Variants in KDM4B observed in about 807,000 individuals in gnomAD.
KDM4B encodes lysine-specific demethylase 4B.
Under a neutral mutation model 125.2 loss-of-function variants are expected in KDM4B, and 32 were observed. The ratio of observed to expected loss-of-function variants is 0.26; its 90% CI spans 0.19 to 0.34. The LOEUF is 0.34. Ranked by LOEUF, KDM4B falls within the 10% of genes least tolerant of loss-of-function variation. The pLI is 1.00. For synonymous variants in KDM4B, 721 were observed against 677.9 expected (o/e 1.06, Z -0.99); for missense variants, 1,190 against 1,577.7 (o/e 0.75, Z 4.16).
At chr19:5,061,297 G>A (rs1325094383) in intron 6 of KDM4B, among the ~76,000 whole-genome samples, 1 of 152,210 alleles carries the variant, frequency 6.6e-6, no homozygotes. Flanking sequence ...CTGGTCTCCT[G>A]TGTGTCTCAA....
At position 5,152,710 on chromosome 19, in the gene KDM4B, C is replaced by T. The variant is rs995542178; in HGVS notation, c.*1199C>T. Reference sequence around the variant, plus strand: ...CAGCCCAGGCTGGGAAGCGCCTTCTCCAGGTGCCTCTCCCTCACCAGCTCT... The same window carrying T: ...CAGCCCAGGCTGGGAAGCGCCTTCTTCAGGTGCCTCTCCCTCACCAGCTCT... On this transcript the variant is annotated 3_prime_UTR_variant, in exon 23 of 23. Transcript: ENST00000159111. 1 of 152,338 alleles carries T rather than the reference C, an allele frequency of 6.6e-6. No individual in the cohort carries two copies. The highest frequency in any genetic ancestry group is 1.5e-5 in the Non-Finnish European group (1 of 68,108). The allele number at this position is 152,338 out of a possible 1,614,324, so 9.4% of individuals were successfully genotyped here.
In KDM4B at chr19:5,040,017, C is replaced by T. The variant is rs202020232; in HGVS notation, c.317+6C>T. On this transcript the variant is annotated splice_donor_region_variant and intron_variant, in intron 4 of 22. Coordinates refer to ENST00000159111, the MANE Select transcript of KDM4B (RefSeq NM_015015.3). ...CGCCTGGCCAACAGCGAGAAGTACG[C>T]GGGGCGGGCAGGGCGGACCTGACCC... 706 of 1,607,882 alleles carry T rather than the reference C, an allele frequency of 4.4e-4. 3 individuals are homozygous for T. Among genetic ancestry groups the T allele is most frequent in the Admixed American group, 8.4e-5 (5 of 59,816 alleles).
At chr19:5,040,631 G>A (rs1043424014) in intron 4 of KDM4B, among the ~76,000 whole-genome samples, 1 of 152,086 alleles carries the variant, frequency 6.6e-6, no homozygotes. Flanking sequence ...CAGCCACGTA[G>A]CCTCCGTGCT....
chr19:4,996,837 G>A (rs973531407), intron 1 of KDM4B, among the ~76,000 whole-genome samples: 5 of 152,014 alleles, frequency 3.3e-5, no homozygotes, highest in African/African-American at 9.7e-5. Context: ...TCTCAAATTC[G>A]GCACTCTTGC....
rs532045913 is a variant in KDM4B at position 5,035,647 on chromosome 19, G to A, written c.141+2616G>A. On this transcript the variant is annotated intron_variant, in intron 3 of 22. Transcript: ENST00000159111. The surrounding 1 kb of genome is among the most constrained non-coding windows in gnomAD (Gnocchi z 5.3). ...GCACTCCCCCCAGGCCAGTTCCCCC[G>A]AGATTCTTGGCACCGGCGTCTTAAG... is the stretch of plus-strand genomic sequence containing the variant. Among the ~76,000 whole-genome samples the A allele has an allele frequency of 1.3e-5, 2 of 152,156 alleles. No homozygotes were observed. The highest frequency in any genetic ancestry group is 2.1e-4 in the South Asian group (1 of 4,812).
intron 11 of KDM4B, among the ~76,000 whole-genome samples, chr19:5,123,766 A>ATAAG (rs1365796992): frequency 2.0e-5 from 3 of 152,174 alleles, no homozygotes; most frequent in Non-Finnish European, 2.9e-5. Context: ...CTGGTAGAGG[A>ATAAG]TAAGTTCCTG....
intron 1 of KDM4B, among the ~76,000 whole-genome samples, chr19:4,984,561 C>T (rs568097386): frequency 3.3e-5 from 5 of 152,292 alleles, no homozygotes; most frequent in Admixed American, 1.3e-4. Context: ...CGCGTCTCTC[C>T]TGTTCCGGCC....
intron 18 of KDM4B, among the ~76,000 whole-genome samples, chr19:5,139,928 G>A (rs1440631088): frequency 6.6e-6 from 1 of 152,224 alleles, no homozygotes; most frequent in African/African-American, 2.4e-5. Flanking sequence ...CCCCCTTTGG[G>A]GAACCCCTTG....
At chr19:5,065,487 A>C (rs1055749295) in intron 6 of KDM4B, among the ~76,000 whole-genome samples, 1 of 152,272 alleles carries the variant, frequency 6.6e-6, no homozygotes, top group African/African-American at 2.4e-5. Context: ...TTGATGATTT[A>C]GAGCGATAGA....
intron 1 of KDM4B, among the ~76,000 whole-genome samples, chr19:5,008,714 CT>C (rs2035637249): frequency 6.6e-6 from 1 of 151,302 alleles, no homozygotes; most frequent in South Asian, 2.1e-4. Context: ...CTTCAGTCCC[CT>C]GATTAGCTGG....
intron 11 of KDM4B, among the ~76,000 whole-genome samples, chr19:5,126,699 C>T (rs993594061): frequency 9.2e-5 from 14 of 152,200 alleles, no homozygotes; most frequent in African/African-American, 2.9e-4. Flanking sequence ...GAGCTCAGCC[C>T]GGGGACCCGC....
chr19:5,101,269 GT>G (rs201325593), intron 9 of KDM4B, among the ~76,000 whole-genome samples: 1 of 149,334 alleles, frequency 6.7e-6, no homozygotes, highest in Non-Finnish European at 1.5e-5. Context: ...TTCTTACCAG[GT>G]TTTTGTTTTT....
Position 5,141,374 on chromosome 19 carries a change from G to A in KDM4B, c.2551-2593G>A, listed in dbSNP as rs1376229631. The stretch of plus-strand genomic sequence containing the variant: ...TAAAAGGCCTCATGATTCAGGTGGA[G>A]TGATGGTGCGATGCGTGGTGCAGTG... On this transcript the variant is annotated intron_variant, in intron 18 of 22. Transcript: ENST00000159111. This position sits in a 1 kb window ranked among gnomAD's most constrained non-coding sequence, Gnocchi z 6.4. 1 of 152,258 alleles carries A rather than the reference G, an allele frequency of 6.6e-6. No individual in the cohort carries two copies. Among genetic ancestry groups the A allele is most frequent in the Non-Finnish European group, 1.5e-5 (1 of 68,042 alleles). The allele number at this position is 152,258 out of a possible 1,614,324, so 9.4% of individuals were successfully genotyped here.
At chr19:5,036,526 C>T (rs926290337) in intron 3 of KDM4B, among the ~76,000 whole-genome samples, 3 of 152,204 alleles carry the variant, frequency 2.0e-5, no homozygotes, top group Admixed American at 6.5e-5. Context: ...AGTGCCCCTC[C>T]ACCCCCACCA....
rs1438030894 is a variant in KDM4B, at chr19:5,153,380, G to A, written c.*1869G>A. The A allele has an allele frequency of 1.3e-5, 2 of 152,286 alleles. No homozygotes were observed. The highest frequency in any genetic ancestry group is 4.8e-5 in the African/African-American group (2 of 41,462). The allele number at this position is 152,286 out of a possible 1,614,324, so 9.4% of individuals were successfully genotyped here. A position where few individuals can be genotyped will look rare whatever the true frequency, so the allele number is the denominator to read the frequency against. ...TTGGGGGTCACACCCATCCCCTGGT[G>A]GGCTCCTGGGCGGCCTGCGCAGATG... is the stretch of plus-strand genomic sequence containing the variant. On this transcript the variant is annotated 3_prime_UTR_variant, in exon 23 of 23. Transcript: ENST00000159111.
intron 13 of KDM4B, 87 bp downstream of exon 13, chr19:5,132,094 T>G (rs1219884204): frequency 6.3e-6 from 9 of 1,438,506 alleles, no homozygotes; most frequent in Non-Finnish European, 8.3e-6. Flanking sequence ...CCCCTGCGGC[T>G]TCCTTCCCCC....
At chr19:5,046,483 T>G (rs1335017778) in intron 5 of KDM4B, among the ~76,000 whole-genome samples, 1 of 152,164 alleles carries the variant, frequency 6.6e-6, no homozygotes, top group African/African-American at 2.4e-5. Flanking sequence ...GTCGTGCAGG[T>G]GCAGGAACAG....
intron 6 of KDM4B, among the ~76,000 whole-genome samples, chr19:5,068,341 C>T (rs1024674628): frequency 2.0e-5 from 3 of 152,204 alleles, no homozygotes; most frequent in Admixed American, 6.5e-5. Flanking sequence ...CCAGTGCCGT[C>T]GCAACCCCGT....
intron 11 of KDM4B, among the ~76,000 whole-genome samples, chr19:5,128,096 C>G (rs925894105): frequency 4.0e-5 from 6 of 150,988 alleles, no homozygotes; most frequent in Non-Finnish European, 5.9e-5. Flanking sequence ...CTCCTGTGTG[C>G]GGAGCTACCT....
Sources: allele counts gnomAD v4.1 joint callset (sites outside exome capture counted in the v4.1 genomes callset), GRCh38; gene constraint gnomAD v4.1.1; non-coding constraint Gnocchi (gnomAD v3.1); transcripts MANE v1.5; gene names NCBI Gene and HGNC (gene_info 2026-07-23, HGNC 2026-07-21).